SIN3A: variants seen among roughly 807,000 people sequenced by gnomAD.
SIN3A encodes the protein paired amphipathic helix protein Sin3a.
In SIN3A, 14 loss-of-function variants were observed where a neutral mutation model predicts 146.1. That is an observed-to-expected ratio of 0.10 (90% CI 0.06 to 0.15). The LOEUF is 0.15. Ranked by LOEUF, SIN3A falls within the 10% of genes least tolerant of loss-of-function variation. The pLI, the probability that SIN3A is intolerant of heterozygous loss-of-function variation, is 1.00. For missense variants in SIN3A, 1,028 were observed against 1,576.0 expected, an observed-to-expected ratio of 0.65 and a Z score of 5.89; for synonymous variants, 572 against 572.0, an observed-to-expected ratio of 1.00 and a Z score of 0.00.
chr15:75,389,047 A>G (rs768176683), intron 16 of SIN3A, among the ~76,000 whole-genome samples: 18 of 152,250 alleles, frequency 1.2e-4, no homozygotes, highest in Non-Finnish European at 2.1e-4. Flanking sequence ...AACCAACCAG[A>G]AACCTAACTT....
intron 10 of SIN3A, 126 bp from the exon 11 acceptor site, chr15:75,401,066 G>A (rs1245067485): frequency 1.5e-6 from 1 of 661,904 alleles, no homozygotes; most frequent in Non-Finnish European, 2.6e-6. Flanking sequence ...TCCTGCCTAA[G>A]AAGAACTGCT....
chr15:75,378,140 C>T (rs1595886832), intron 19 of SIN3A, among the ~76,000 whole-genome samples: 1 of 152,044 alleles, frequency 6.6e-6, no homozygotes, highest in African/African-American at 2.4e-5. Flanking sequence ...TCCAAATAGC[C>T]AATTGCGTAA....
At chr15:75,441,673 T>G (rs1595928919) in intron 1 of SIN3A, among the ~76,000 whole-genome samples, 1 of 152,308 alleles carries the variant, frequency 6.6e-6, no homozygotes, top group Middle Eastern at 3.4e-3. Flanking sequence ...CTAGTAAGGT[T>G]CTAGCTTATC....
At chr15:75,417,362 T>G (rs1567378802) in intron 3 of SIN3A, among the ~76,000 whole-genome samples, 1 of 152,068 alleles carries the variant, frequency 6.6e-6, no homozygotes, top group Non-Finnish European at 1.5e-5. Context: ...TTGATGTGAT[T>G]TAAGCCAGTC....
intron 1 of SIN3A, among the ~76,000 whole-genome samples, chr15:75,435,672 T>C (rs191915426): frequency 5.1e-4 from 70 of 137,328 alleles, no homozygotes; most frequent in Admixed American, 1.8e-3. Flanking sequence ...CACTCCAGCC[T>C]GGGCAACAAG....
chr15:75,395,792 C>A (rs1168196853), intron 13 of SIN3A, among the ~76,000 whole-genome samples: 2 of 152,074 alleles, frequency 1.3e-5, no homozygotes, highest in East Asian at 3.9e-4. Flanking sequence ...GTAGTCCCAG[C>A]TATTCGGGAG....
intron 12 of SIN3A, among the ~76,000 whole-genome samples, chr15:75,396,916 T>C (rs1445815115): frequency 1.3e-5 from 2 of 152,240 alleles, no homozygotes; most frequent in Non-Finnish European, 2.9e-5. Flanking sequence ...AGATCCATTA[T>C]GAACAAACAA....
upstream of SIN3A, chr15:75,455,787 C>G (rs984718588): frequency 6.6e-6 from 1 of 152,222 alleles, no homozygotes; most frequent in Non-Finnish European, 1.5e-5. Flanking sequence ...GTTTAACATA[C>G]CTTCCGAGCC....
At chr15:75,429,478 A>C (rs1185038826) in intron 2 of SIN3A, among the ~76,000 whole-genome samples, 5 of 152,222 alleles carry the variant, frequency 3.3e-5, no homozygotes, top group Admixed American at 2.6e-4. Context: ...CATGGGGGGA[A>C]GTCAGTGCCT....
At chr15:75,394,179 A>G (rs1370955686) in intron 14 of SIN3A, among the ~76,000 whole-genome samples, 1 of 152,132 alleles carries the variant, frequency 6.6e-6, no homozygotes, top group Admixed American at 6.6e-5. Context: ...GGAATTCCCA[A>G]TTGCACTGCA....
chr15:75,396,718 A>G (rs1383766627), intron 12 of SIN3A, among the ~76,000 whole-genome samples: 2 of 152,194 alleles, frequency 1.3e-5, no homozygotes, highest in African/African-American at 4.8e-5. Flanking sequence ...CACATAAAGT[A>G]TTTAGCACAA....
intron 4 of SIN3A, among the ~76,000 whole-genome samples, chr15:75,413,693 G>A (rs539046533): frequency 1.4e-4 from 21 of 152,058 alleles, no homozygotes; most frequent in South Asian, 1.0e-3. Context: ...ACAGGCACCC[G>A]CCACCATGCC....
intron 17 of SIN3A, 110 bp downstream of exon 17, chr15:75,384,154 C>T (rs2073037078): frequency 1.3e-6 from 1 of 785,766 alleles, no homozygotes; most frequent in African/African-American, 1.8e-5. Flanking sequence ...TTAAAAGGTC[C>T]AGGAGTAGAA....
At chr15:75,453,908 C>T (rs1054848847), upstream of SIN3A, 21 of 152,518 alleles carry the variant, frequency 1.4e-4, no homozygotes, top group African/African-American at 5.0e-4. Context: ...TGTGGCTTCT[C>T]GGCTCTCCCC....
chr15:75,376,185 ATTTGTT>A (rs1007809642), intron 19 of SIN3A: 16 of 398,936 alleles, frequency 4.0e-5, no homozygotes, highest in Admixed American at 1.6e-4. Context: ...CTGCTTTGGG[ATTTGTT>A]TTTAAGACAA....
At chr15:75,384,467 G>T in intron 16 of SIN3A, 30 bp from the exon 17 acceptor site, 1 of 1,447,132 alleles carries the variant, frequency 6.9e-7, no homozygotes. Flanking sequence ...AGCTTTTAGT[G>T]AACACAGAAA....
intron 1 of SIN3A, among the ~76,000 whole-genome samples, chr15:75,430,799 C>T (rs1407133004): frequency 4.0e-5 from 6 of 149,832 alleles, no homozygotes; most frequent in Admixed American, 6.6e-5. Flanking sequence ...TTTTTTGAGA[C>T]GGAGTCTCAC....
At chr15:75,435,412 G>A (rs2074089471) in intron 1 of SIN3A, among the ~76,000 whole-genome samples, 1 of 152,144 alleles carries the variant, frequency 6.6e-6, no homozygotes, top group Admixed American at 6.6e-5. Flanking sequence ...AAAACAGCAG[G>A]CTAGGCCGGA....
intron 17 of SIN3A, among the ~76,000 whole-genome samples, chr15:75,381,984 A>G (rs142988321): frequency 9.8e-5 from 15 of 152,380 alleles, no homozygotes; most frequent in Admixed American, 9.8e-4. Context: ...TGTTTTACAA[A>G]ACAAATATTT....
Sources: gnomAD v4.1 joint callset for allele counts (sites outside exome capture counted in the v4.1 genomes callset) on GRCh38, gnomAD v4.1.1 for gene constraint, MANE v1.5 for transcripts, NCBI Gene and HGNC (gene_info 2026-07-23, HGNC 2026-07-21) for gene names.